ERC2: variants seen among roughly 807,000 people sequenced by gnomAD.
ERC2 encodes ERC protein 2.
Under a neutral mutation model 114.8 loss-of-function variants are expected in ERC2, and 42 were observed. That is an observed-to-expected ratio of 0.37 (90% CI 0.29 to 0.47). The LOEUF is 0.47. Ranked by LOEUF, ERC2 falls within the 20% of genes least tolerant of loss-of-function variation. The pLI, the probability that ERC2 is intolerant of heterozygous loss-of-function variation, is 0.99. For synonymous variants in ERC2, 454 were observed against 425.5 expected (o/e 1.07, Z -0.82); for missense variants, 939 against 1,150.7 (o/e 0.82, Z 2.66).
At chr3:55,802,393 T>A (rs1488365801) in intron 14 of ERC2, among the ~76,000 whole-genome samples, 1 of 152,198 alleles carries the variant, frequency 6.6e-6, no homozygotes. Context: ...GAAGTTCAGA[T>A]AGGGAGAACA....
chr3:55,556,458 C>T (rs2055614692), intron 17 of ERC2, among the ~76,000 whole-genome samples: 1 of 152,196 alleles, frequency 6.6e-6, no homozygotes. Context: ...TCCAGAAGCT[C>T]CCACCACCCC....
chr3:56,142,453 G>T (rs2080911201), intron 5 of ERC2, among the ~76,000 whole-genome samples: 1 of 151,960 alleles, frequency 6.6e-6, no homozygotes. Context: ...ATTCATGTCT[G>T]CTGCTTTTAA....
At chr3:55,697,854 T>C (rs1307540892) in intron 16 of ERC2, among the ~76,000 whole-genome samples, 1 of 151,884 alleles carries the variant, frequency 6.6e-6, no homozygotes, top group Middle Eastern at 3.4e-3. Flanking sequence ...CTCCCACCAA[T>C]AAAACCTCAT....
intron 17 of ERC2, among the ~76,000 whole-genome samples, chr3:55,559,404 C>G (rs747423506): frequency 6.6e-6 from 1 of 152,256 alleles, no homozygotes; most frequent in Non-Finnish European, 1.5e-5. Context: ...CTCCAGGTGC[C>G]TGTAAAATCC....
At chr3:55,552,639 G>GA (rs35690246) in intron 17 of ERC2, among the ~76,000 whole-genome samples, 30,075 of 140,762 alleles carry the variant, frequency 0.21, 3,477 homozygotes, top group Middle Eastern at 0.31. Context: ...TGGAAAAAAG[G>GA]AAAAAAAAAA....
At chr3:55,548,965 C>T (rs555812673) in intron 17 of ERC2, among the ~76,000 whole-genome samples, 2 of 152,198 alleles carry the variant, frequency 1.3e-5, no homozygotes, top group Admixed American at 6.5e-5. Flanking sequence ...ATGTGAACTA[C>T]CAAATTCCTA....
At chr3:55,714,661 G>GTATATATATATA (rs59260283) in intron 15 of ERC2, among the ~76,000 whole-genome samples, 1 of 71,748 alleles carries the variant, frequency 1.4e-5, no homozygotes, top group Non-Finnish European at 2.5e-5. Context: ...GTGTGTGTGT[G>GTATATATATATA]TGTGTGTATA....
chr3:56,080,856 T>C lies in ERC2; in HGVS notation c.1602A>G (p.Leu534=). The C allele has an allele frequency of 6.2e-7, 1 of 1,613,778 alleles. No homozygotes were observed. The highest frequency in any genetic ancestry group is 8.5e-7 in the Non-Finnish European group (1 of 1,179,738). The change falls in exon 7 of 18, where the codon TTA becomes TTG. Residue 534 remains leucine (L), a synonymous_variant. Coordinates refer to ENST00000288221, the MANE Select transcript of ERC2 (RefSeq NM_015576.3). ...CATTGATTTTTCTTTCCTTCACTTC[T>C]AACATATCTTTCATGTCACGAATTT... is the stretch of plus-strand genomic sequence containing the variant. ...AGEIRDMKDM[L]EVKERKINVL... is the part of the protein sequence containing the mutation.
chr3:55,909,078 T>C (rs75929679), intron 13 of ERC2, among the ~76,000 whole-genome samples: 1 of 152,180 alleles, frequency 6.6e-6, no homozygotes, highest in Non-Finnish European at 1.5e-5. Context: ...GATGGTTAAA[T>C]AGGTCTACAG....
chr3:55,540,211 AG>A (rs2054303975), intron 17 of ERC2, among the ~76,000 whole-genome samples: 1 of 152,246 alleles, frequency 6.6e-6, no homozygotes, highest in South Asian at 2.1e-4. Flanking sequence ...CTTTAAGATC[AG>A]GATAAGTCAA....
intron 6 of ERC2, among the ~76,000 whole-genome samples, chr3:56,130,985 C>A (rs1200277931): frequency 6.6e-6 from 1 of 152,094 alleles, no homozygotes; most frequent in African/African-American, 2.4e-5. Context: ...AAAACAAAGC[C>A]TACAGACATT....
At position 55,882,316 on chromosome 3, in the gene ERC2, C is replaced by G. The variant is rs141700726; in HGVS notation, c.2564+6073G>C. ...CTGAGGCCCTCACCAGAAGCAGATG[C>G]TGGCACCAAGCTCCTTGTACAGCCT... On this transcript the variant is annotated intron_variant, in intron 14 of 17. Transcript: ENST00000288221. Among the ~76,000 whole-genome samples the G allele has an allele frequency of 3.0e-4, 46 of 152,324 alleles. No individual in the cohort carries two copies. In the East Asian group the frequency reaches 8.5e-3, roughly 28 times the overall value.
chr3:55,959,583 G>A (rs2149464065), intron 12 of ERC2, among the ~76,000 whole-genome samples: 1 of 152,288 alleles, frequency 6.6e-6, no homozygotes, highest in South Asian at 2.1e-4. Flanking sequence ...CTAATAATAA[G>A]ATGCTCTTCC....
At chr3:56,433,667 C>A (rs1365422318) in intron 2 of ERC2, 2 of 152,452 alleles carry the variant, frequency 1.3e-5, no homozygotes, top group African/African-American at 4.8e-5. Flanking sequence ...AATAGCATAA[C>A]TGCAGGTAGA....
chr3:55,738,840 C>T lies in ERC2; in HGVS notation c.2565-3922G>A, dbSNP rs551626002. On this transcript the variant is annotated intron_variant, in intron 14 of 17. Coordinates refer to ENST00000288221, the MANE Select transcript of ERC2 (RefSeq NM_015576.3). ...GGTTTGTTACATAGATATATACATGCCATGGTGGTTTGCTGCACCCATTAA... is the reference window on the plus strand; with the variant it reads ...GGTTTGTTACATAGATATATACATGTCATGGTGGTTTGCTGCACCCATTAA... Among the ~76,000 whole-genome samples, 8 of 152,244 alleles carry T rather than the reference C, an allele frequency of 5.3e-5. No homozygotes were observed. In the South Asian group the frequency reaches 1.2e-3, roughly 24 times the overall value.
intron 2 of ERC2, among the ~76,000 whole-genome samples, chr3:56,391,256 C>T (rs1036343677): frequency 1.3e-5 from 2 of 152,116 alleles, no homozygotes; most frequent in Non-Finnish European, 2.9e-5. Flanking sequence ...CCTGCTGTGC[C>T]CTGGAATGAG....
intron 13 of ERC2, among the ~76,000 whole-genome samples, chr3:55,905,130 C>A (rs746090706): frequency 2.0e-5 from 3 of 152,156 alleles, no homozygotes; most frequent in Non-Finnish European, 2.9e-5. Context: ...GCCCAAGCTG[C>A]AGTGCAGTGG....
chr3:55,904,371 C>T (rs1271080635), intron 13 of ERC2, among the ~76,000 whole-genome samples: 2 of 152,206 alleles, frequency 1.3e-5, no homozygotes, highest in East Asian at 3.9e-4. Context: ...GCCCCCTGAT[C>T]GAAAATACAG....
intron 15 of ERC2, among the ~76,000 whole-genome samples, chr3:55,709,486 G>A (rs1223176746): frequency 6.6e-6 from 1 of 152,144 alleles, no homozygotes; most frequent in Non-Finnish European, 1.5e-5. Flanking sequence ...CATCAGAAGG[G>A]AAGGGTAAAG....
Sources: allele counts gnomAD v4.1 joint callset (sites outside exome capture counted in the v4.1 genomes callset), GRCh38; gene constraint gnomAD v4.1.1; transcripts MANE v1.5; gene names NCBI Gene and HGNC (gene_info 2026-07-23, HGNC 2026-07-21).